Variants in DOK5 observed in about 807,000 individuals in gnomAD.
DOK5 encodes the protein downstream of tyrosine kinase 5.
In DOK5, 27 loss-of-function variants were observed where a neutral mutation model predicts 43.3. The ratio of observed to expected loss-of-function variants is 0.62; its 90% CI spans 0.46 to 0.86. The LOEUF (loss-of-function observed/expected upper bound fraction) is 0.86, where lower values mean the gene tolerates loss of function less well. DOK5 is among the 40% of genes least tolerant of loss of function. DOK5 has a pLI of 0.00. For missense variants in DOK5, 373 were observed against 392.9 expected, an observed-to-expected ratio of 0.95 and a Z score of 0.43; for synonymous variants, 146 against 140.1, an observed-to-expected ratio of 1.04 and a Z score of -0.30.
chr20:54,589,196 A>G (rs1023015266), intron 4 of DOK5, among the ~76,000 whole-genome samples: 6 of 152,200 alleles, frequency 3.9e-5, no homozygotes, highest in African/African-American at 1.4e-4. Context: ...ACTTTCCTTC[A>G]ATTCTGTTAG....
At chr20:54,495,660 GT>G (rs1568753940) in intron 1 of DOK5, among the ~76,000 whole-genome samples, 1 of 152,174 alleles carries the variant, frequency 6.6e-6, no homozygotes, top group African/African-American at 2.4e-5. Flanking sequence ...GGAGGCCAAG[GT>G]GGGCTGATCA....
chr20:54,638,315 G>A (rs1006268688), intron 6 of DOK5, among the ~76,000 whole-genome samples: 1 of 152,084 alleles, frequency 6.6e-6, no homozygotes. Flanking sequence ...ACTCCTGAAG[G>A]GAAGGTAGAA....
chr20:54,488,800 A>ACCTT (rs550385591), intron 1 of DOK5, among the ~76,000 whole-genome samples: 16 of 95,014 alleles, frequency 1.7e-4, no homozygotes, highest in African/African-American at 2.8e-4. Context: ...CTCCCTTCCT[A>ACCTT]CCTTCCTTCC....
intron 1 of DOK5, among the ~76,000 whole-genome samples, chr20:54,540,144 G>C (rs1354783718): frequency 6.6e-6 from 1 of 151,860 alleles, no homozygotes; most frequent in Non-Finnish European, 1.5e-5. Context: ...GGAGATCATT[G>C]CTTTTTTTTT....
intron 1 of DOK5, among the ~76,000 whole-genome samples, chr20:54,501,630 A>G (rs1163865013): frequency 6.6e-6 from 1 of 152,182 alleles, no homozygotes; most frequent in Admixed American, 6.5e-5. Context: ...ACAAAGTCAT[A>G]TGTAGAGTCC....
chr20:54,598,181 C>A (rs911960749), intron 5 of DOK5, among the ~76,000 whole-genome samples: 1 of 151,966 alleles, frequency 6.6e-6, no homozygotes, highest in African/African-American at 2.4e-5. Context: ...TGACCATATT[C>A]TCTATTTTTT....
chr20:54,567,158 T>C (rs1985127364), intron 2 of DOK5, among the ~76,000 whole-genome samples: 1 of 152,164 alleles, frequency 6.6e-6, no homozygotes, highest in African/African-American at 2.4e-5. Context: ...TAACAGGATC[T>C]TTTCCAGAAG....
rs187510684 is a variant in DOK5 at position 54,613,690 on chromosome 20, G to A, written c.735+3167G>A. ...TATTTTATTATATGGATATTTCATA[G>A]ATTTTTAAAACTATGCATCAAGGTT... On this transcript the variant is annotated intron_variant, in intron 6 of 7. Coordinates refer to ENST00000262593, the MANE Select transcript of DOK5 (RefSeq NM_018431.5). Among the ~76,000 whole-genome samples the A allele has an allele frequency of 1.4e-4, 21 of 152,196 alleles. No homozygotes were observed. The East Asian group carries it at 3.9e-3, about 28-fold the overall frequency.
At chr20:54,493,007 AC>A (rs1982250403) in intron 1 of DOK5, among the ~76,000 whole-genome samples, 1 of 144,312 alleles carries the variant, frequency 6.9e-6, no homozygotes, top group African/African-American at 2.6e-5. Flanking sequence ...GTGAGCTGAG[AC>A]TGAGCCACTG....
At chr20:54,530,913 G>A (rs1320921081) in intron 1 of DOK5, among the ~76,000 whole-genome samples, 2 of 152,152 alleles carry the variant, frequency 1.3e-5, no homozygotes. Flanking sequence ...GTTCCTGTGA[G>A]CGGAATTGCA....
intron 7 of DOK5, among the ~76,000 whole-genome samples, chr20:54,645,004 T>C (rs1323581090): frequency 2.5e-5 from 2 of 78,702 alleles, no homozygotes; most frequent in African/African-American, 1.4e-4. Context: ...ACTCTTTTTT[T>C]TTTTTTTTTT....
chr20:54,513,165 C>A (rs1002330664), intron 1 of DOK5, among the ~76,000 whole-genome samples: 1 of 152,040 alleles, frequency 6.6e-6, no homozygotes, highest in South Asian at 2.1e-4. Context: ...TAGAGTGTAC[C>A]CAGGGATGCT....
At chr20:54,600,609 C>T (rs1405251861) in intron 5 of DOK5, among the ~76,000 whole-genome samples, 1 of 152,146 alleles carries the variant, frequency 6.6e-6, no homozygotes, top group Non-Finnish European at 1.5e-5. Flanking sequence ...TTTCCTCCTG[C>T]CTGCATGTGA....
chr20:54,481,068 CATCT>C (rs566252786), intron 1 of DOK5, among the ~76,000 whole-genome samples: 1,834 of 126,322 alleles, frequency 0.015, 54 homozygotes, highest in Non-Finnish European at 0.021. Flanking sequence ...ATCTATCTAT[CATCT>C]ATCTATCTAT....
chr20:54,616,766 CTTTCTTTTTTTTTT>C (rs1226742274), intron 6 of DOK5, among the ~76,000 whole-genome samples: 55 of 119,952 alleles, frequency 4.6e-4, no homozygotes, highest in Middle Eastern at 8.5e-3. Context: ...GAAGGATCCA[CTTTCTTTTTTTTTT>C]TTTCTTTTTT....
At position 54,646,248 on chromosome 20, in the gene DOK5, G is replaced by GTTTTTTTTTTTTTTTTTTTTTTT. The variant is rs386394048; in HGVS notation, c.856+2672_856+2694dup. 1.3e-3 allele frequency among the ~76,000 whole-genome samples: 103 copies of GTTTTTTTTTTTTTTTTTTTTTTT among 79,934 alleles called. 10 individuals carry two copies. Among genetic ancestry groups the GTTTTTTTTTTTTTTTTTTTTTTT allele is most frequent in the African/African-American group, 1.7e-3 (33 of 18,996 alleles). The allele number at this position is 79,934 out of a possible 152,430, so 52.4% of individuals were successfully genotyped here. On this transcript the variant is annotated intron_variant, in intron 7 of 7. Coordinates refer to ENST00000262593, the MANE Select transcript of DOK5 (RefSeq NM_018431.5). ...TACTGTTATATCCACTGGTTATACT[G>GTTTTTTTTTTTTTTTTTTTTTTT]TTTTTTTTTTTTTTTTTTTTTTTTG...
chr20:54,610,956 A>G (rs1440581736), intron 6 of DOK5, among the ~76,000 whole-genome samples: 1 of 152,226 alleles, frequency 6.6e-6, no homozygotes, highest in Non-Finnish European at 1.5e-5. Flanking sequence ...TGACATGAGA[A>G]CAAGAGATTG....
chr20:54,617,598 T>C (rs1414487068), intron 6 of DOK5, among the ~76,000 whole-genome samples: 1 of 152,196 alleles, frequency 6.6e-6, no homozygotes, highest in East Asian at 1.9e-4. Context: ...GTGCTGAGAT[T>C]ACAGGTATGA....
At chr20:54,646,892 C>CTT (rs11483952) in intron 7 of DOK5, among the ~76,000 whole-genome samples, 1,605 of 138,086 alleles carry the variant, frequency 0.012, 32 homozygotes, top group Admixed American at 0.035. Context: ...GAATTTCAGG[C>CTT]TTTTTTTTTT....
Sources: allele counts gnomAD v4.1 joint callset (sites outside exome capture counted in the v4.1 genomes callset), GRCh38; gene constraint gnomAD v4.1.1; transcripts MANE v1.5; gene names NCBI Gene and HGNC (gene_info 2026-07-23, HGNC 2026-07-21).